STPG2: variants seen among roughly 807,000 people sequenced by gnomAD.
STPG2 encodes the protein sperm-tail PG-rich repeat-containing protein 2.
Under a neutral mutation model 54.2 loss-of-function variants are expected in STPG2, and 56 were observed. The observed-to-expected ratio is 1.03, with a 90% confidence interval of 0.83 to 1.29. STPG2 has a LOEUF of 1.29. Ranked by LOEUF, STPG2 falls within the 50% of genes most tolerant of loss-of-function variation. The pLI, the probability that STPG2 is intolerant of heterozygous loss-of-function variation, is 0.00. For synonymous variants in STPG2, 200 were observed against 181.8 expected, an observed-to-expected ratio of 1.10 and a Z score of -0.81; for missense variants, 596 against 544.9, an observed-to-expected ratio of 1.09 and a Z score of -0.93.
intron 10 of STPG2, among the ~76,000 whole-genome samples, chr4:97,664,556 G>C (rs1225092647): frequency 6.6e-6 from 1 of 152,106 alleles, no homozygotes; most frequent in Non-Finnish European, 1.5e-5. Flanking sequence ...ACTATTTAAA[G>C]GGTCAGATTT....
chr4:97,561,444 T>C (rs1219262363), intron 10 of STPG2, among the ~76,000 whole-genome samples: 2 of 152,218 alleles, frequency 1.3e-5, no homozygotes, highest in South Asian at 2.1e-4. Context: ...AAGAGCTCTT[T>C]AGTTTAATTA....
intron 5 of STPG2, among the ~76,000 whole-genome samples, chr4:98,100,988 T>C (rs1560679270): frequency 6.6e-6 from 1 of 152,148 alleles, no homozygotes; most frequent in Non-Finnish European, 1.5e-5. Flanking sequence ...CTTCAGCTGC[T>C]CTTAATGTGC....
At chr4:97,951,501 T>A (rs886459621) in intron 7 of STPG2, among the ~76,000 whole-genome samples, 3 of 152,194 alleles carry the variant, frequency 2.0e-5, no homozygotes. Flanking sequence ...TTTTTTTTTA[T>A]TTCTTTTTCC....
At chr4:97,855,952 G>T (rs979300574) in intron 8 of STPG2, among the ~76,000 whole-genome samples, 3 of 152,152 alleles carry the variant, frequency 2.0e-5, no homozygotes, top group South Asian at 2.1e-4. Context: ...TTTTTGTCAG[G>T]TTTGTCAAAT....
chr4:98,029,752 T>C (rs1736535684), intron 5 of STPG2, among the ~76,000 whole-genome samples: 1 of 152,194 alleles, frequency 6.6e-6, no homozygotes, highest in African/African-American at 2.4e-5. Flanking sequence ...TCAAGTATTA[T>C]TTGATCTGCT....
chr4:97,865,843 G>A (rs1729751149), intron 8 of STPG2, among the ~76,000 whole-genome samples: 1 of 151,496 alleles, frequency 6.6e-6, no homozygotes, highest in Non-Finnish European at 1.5e-5. Flanking sequence ...AGACCTTAAA[G>A]TATAATAAAA....
At chr4:97,989,698 T>G (rs1481749229) in intron 5 of STPG2, among the ~76,000 whole-genome samples, 1 of 152,190 alleles carries the variant, frequency 6.6e-6, no homozygotes, top group Non-Finnish European at 1.5e-5. Context: ...GCATCACTAT[T>G]CTTGCACTTT....
At chr4:97,571,527 T>C (rs1732600801) in intron 10 of STPG2, among the ~76,000 whole-genome samples, 1 of 152,116 alleles carries the variant, frequency 6.6e-6, no homozygotes, top group South Asian at 2.1e-4. Flanking sequence ...AAAGCTTTGC[T>C]CTCCACCACC....
At chr4:97,808,583 A>C (rs1727642327) in intron 9 of STPG2, among the ~76,000 whole-genome samples, 1 of 151,602 alleles carries the variant, frequency 6.6e-6, no homozygotes, top group Admixed American at 6.6e-5. Context: ...GAAATAGGAA[A>C]CACTTCATCA....
At chr4:97,882,095 G>T (rs1216165928) in intron 8 of STPG2, among the ~76,000 whole-genome samples, 2 of 152,288 alleles carry the variant, frequency 1.3e-5, no homozygotes, top group Non-Finnish European at 1.5e-5. Context: ...GGAGGATGAT[G>T]AGAAACACCA....
At chr4:97,602,435 A>C (rs781327226) in intron 10 of STPG2, among the ~76,000 whole-genome samples, 5 of 151,812 alleles carry the variant, frequency 3.3e-5, no homozygotes, top group Non-Finnish European at 5.9e-5. Flanking sequence ...CTTACTGCTC[A>C]AGATAGTGCC....
intron 5 of STPG2, among the ~76,000 whole-genome samples, chr4:98,068,137 C>A (rs1737890096): frequency 6.6e-6 from 1 of 152,116 alleles, no homozygotes; most frequent in African/African-American, 2.4e-5. Context: ...GCTATCCTAT[C>A]CCCCTTGCCA....
chr4:98,053,917 T>A (rs1737406043), intron 5 of STPG2, among the ~76,000 whole-genome samples: 1 of 152,182 alleles, frequency 6.6e-6, no homozygotes. Flanking sequence ...TACTAAAGAC[T>A]TTTAAATTAG....
intron 9 of STPG2, among the ~76,000 whole-genome samples, chr4:97,811,058 G>A (rs747215338): frequency 1.4e-4 from 22 of 152,014 alleles, no homozygotes; most frequent in Non-Finnish European, 3.1e-4. Flanking sequence ...GTTAAGCAGT[G>A]GGGGCCCAAT....
rs140667815 is a variant in STPG2 at position 97,627,929 on chromosome 4, A to G, written c.1321-68812T>C. ...TGTCTGAGCTCAAGCATTCAGGCAG[A>G]CAGTGAATTCCCTATTCCTCTGTCT... On this transcript the variant is annotated intron_variant, in intron 10 of 10. Coordinates refer to ENST00000295268, the MANE Select transcript of STPG2 (RefSeq NM_174952.3). 5.9e-5 allele frequency among the ~76,000 whole-genome samples: 9 copies of G among 152,258 alleles called. No individual in the cohort carries two copies. The East Asian group carries it at 1.7e-3, about 29-fold the overall frequency.
chr4:97,494,230 T>A lies in STPG2; in HGVS notation c.462+218469A>T, dbSNP rs1730561689. ...TGGAGAGATACAGACATTTTAAAAT[T>A]AAAAAGTTGCCTTTTTGCCTCCAAA... On this transcript the variant is annotated intron_variant, in intron 4 of 4. Transcript: ENST00000522676. Among the ~76,000 whole-genome samples the A allele has an allele frequency of 2.0e-5, 3 of 151,598 alleles. No homozygotes were observed. In the Admixed American group the frequency reaches 2.0e-4, roughly 10 times the overall value.
At chr4:97,968,456 T>C (rs1420986494) in intron 7 of STPG2, among the ~76,000 whole-genome samples, 1 of 152,146 alleles carries the variant, frequency 6.6e-6, no homozygotes, top group Non-Finnish European at 1.5e-5. Flanking sequence ...ATCATCCTGA[T>C]ACCAAAGCCT....
intron 4 of STPG2, among the ~76,000 whole-genome samples, chr4:97,505,218 T>G (rs1730818666): frequency 6.6e-6 from 1 of 151,992 alleles, no homozygotes; most frequent in Non-Finnish European, 1.5e-5. Context: ...TTTTCATAGT[T>G]TGGAAAATCC....
At chr4:97,584,292 CA>C (rs1315394907) in intron 10 of STPG2, among the ~76,000 whole-genome samples, 14 of 151,810 alleles carry the variant, frequency 9.2e-5, no homozygotes. Context: ...TTTGCATCAA[CA>C]ATGAAATCAA....
Sources: allele counts gnomAD v4.1 joint callset (sites outside exome capture counted in the v4.1 genomes callset), GRCh38; gene constraint gnomAD v4.1.1; transcripts MANE v1.5; gene names NCBI Gene and HGNC (gene_info 2026-07-23, HGNC 2026-07-21).